Variants in ME2 observed in about 807,000 individuals in gnomAD.
ME2 encodes malic enzyme 2.
ME2 carries 60 observed loss-of-function variants against 73.7 expected under a neutral mutation model. That is an observed-to-expected ratio of 0.81 (90% CI 0.66 to 1.01). The LOEUF (loss-of-function observed/expected upper bound fraction) is 1.01, where lower values mean the gene tolerates loss of function less well. Ranked by LOEUF, ME2 falls within the 50% of genes least tolerant of loss-of-function variation. The probability of loss-of-function intolerance (pLI) is 0.00; values close to 1 mark genes in which losing one functional copy is unlikely to be tolerated. For synonymous variants in ME2, 199 were observed against 236.9 expected (o/e 0.84, Z 1.47); for missense variants, 594 against 705.5 (o/e 0.84, Z 1.79).
At chr18:50,938,297 C>T (rs1161409748) in intron 13 of ME2, among the ~76,000 whole-genome samples, 1 of 152,152 alleles carries the variant, frequency 6.6e-6, no homozygotes, top group African/African-American at 2.4e-5. Context: ...GTACTCCAGC[C>T]TGAGTGACAG....
At chr18:50,931,603 A>G (rs660363) in intron 12 of ME2, among the ~76,000 whole-genome samples, 103,833 of 151,974 alleles carry the variant, frequency 0.68, 35,886 homozygotes, top group African/African-American at 0.79. Context: ...TTCATTCATC[A>G]GTGTTTATAT....
At position 50,925,870 on chromosome 18, in the gene ME2, C is replaced by T. The variant is rs140281750; in HGVS notation, c.1286C>T (p.Thr429Met). 6.5e-4 allele frequency: 1,045 copies of T among 1,609,064 alleles called. 2 individuals carry two copies. The highest frequency in any genetic ancestry group is 1.7e-3 in the Admixed American group (101 of 59,990). ...AATCCTACAGCACAGGCAGAGTGCA[C>T]GGCTGAAGAAGCATATACACTTACA... ...LSNPTAQAEC[T>M]AEEAYTLTEG... is the part of the protein sequence containing the mutation. The change falls in exon 12 of 16, where the codon ACG becomes ATG. Residue 429 changes from threonine (T) to methionine (M), a missense_variant. Coordinates refer to ENST00000321341, the MANE Select transcript of ME2 (RefSeq NM_002396.5).
At chr18:50,895,961 C>G in intron 2 of ME2, 33 bp downstream of exon 2, 3 of 1,403,332 alleles carry the variant, frequency 2.1e-6, no homozygotes, top group East Asian at 2.3e-5. Context: ...TACATTTTCT[C>G]TCTTCTTATT....
rs997027331 is a variant in ME2, at chr18:50,946,952, T to C, written c.1588-65T>C. 7.0e-6 allele frequency: 8 copies of C among 1,143,602 alleles called. No individual in the cohort carries two copies. In the South Asian group the frequency reaches 9.6e-5, roughly 14 times the overall value. 70.8% of individuals were successfully genotyped at this position (1,143,602 alleles called of 1,614,324 possible). ...CTAAACTTATTTTCCTGTGTTATAA[T>C]AGTACGTTGTCTCTCTAATAGGTTA... On this transcript the variant is annotated intron_variant, in intron 15 of 15. Coordinates refer to ENST00000321341, the MANE Select transcript of ME2 (RefSeq NM_002396.5).
chr18:50,946,543 G>A (rs1026306914), intron 15 of ME2, among the ~76,000 whole-genome samples: 1 of 152,212 alleles, frequency 6.6e-6, no homozygotes, highest in African/African-American at 2.4e-5. Context: ...AGTGGTGTCA[G>A]TTCCCCTGTA....
rs36058911 is a variant in ME2 at position 50,951,547 on chromosome 18, CT to C, written c.*4380del. On this transcript the variant is annotated 3_prime_UTR_variant, in exon 16 of 16. Transcript: ENST00000321341. Reference sequence around the variant, plus strand: ...TCTCTTCTTTGACGTGTTACGTTGTCTTTTTTTTTTTTTTTTTAACTTCTTC... The same window carrying C: ...TCTCTTCTTTGACGTGTTACGTTGTCTTTTTTTTTTTTTTTTAACTTCTTC... 70,201 of 135,972 alleles carry C rather than the reference CT, an allele frequency of 0.52. 18,523 individuals carry two copies. The highest frequency in any genetic ancestry group is 0.68 in the South Asian group (2,900 of 4,238). 8.4% of individuals were successfully genotyped at this position (135,972 alleles called of 1,614,324 possible). A position where few individuals can be genotyped will look rare whatever the true frequency, so the allele number is the denominator to read the frequency against.
chr18:50,887,904 T>TA (rs759461066), intron 1 of ME2, among the ~76,000 whole-genome samples: 12 of 152,164 alleles, frequency 7.9e-5, no homozygotes, highest in Non-Finnish European at 1.6e-4. Flanking sequence ...AGCCAGAATT[T>TA]AAAGTTATGA....
At chr18:50,887,265 C>T (rs1916495068) in intron 1 of ME2, among the ~76,000 whole-genome samples, 1 of 152,102 alleles carries the variant, frequency 6.6e-6, no homozygotes, top group Non-Finnish European at 1.5e-5. Context: ...AAAATTGAAA[C>T]AACACAGAGC....
intron 15 of ME2, among the ~76,000 whole-genome samples, chr18:50,944,947 G>A (rs548542252): frequency 2.7e-4 from 41 of 152,180 alleles, no homozygotes; most frequent in African/African-American, 9.2e-4. Flanking sequence ...CTCCAAGGTC[G>A]GAAGGAATGA....
At position 50,952,485 on chromosome 18, in the gene ME2, A is replaced by G. The variant is rs1918245622; in HGVS notation, c.*5301A>G. The G allele has an allele frequency of 6.6e-6, 1 of 152,240 alleles. No individual in the cohort carries two copies. The highest frequency in any genetic ancestry group is 2.1e-4 in the South Asian group (1 of 4,834). 9.4% of individuals were successfully genotyped at this position (152,240 alleles called of 1,614,324 possible). A position where few individuals can be genotyped will look rare whatever the true frequency, so the allele number is the denominator to read the frequency against. On this transcript the variant is annotated 3_prime_UTR_variant, in exon 16 of 16. Coordinates refer to ENST00000321341, the MANE Select transcript of ME2 (RefSeq NM_002396.5). ...TATGTTCATAGTTCAGTTGCATAAA[A>G]TAGACACATTAAGTCAAGTGATTTG...
chr18:50,913,078 A>G, intron 4 of ME2, 128 bp downstream of exon 4: 1 of 777,888 alleles, frequency 1.3e-6, no homozygotes, highest in Non-Finnish European at 1.9e-6. Flanking sequence ...GAAAAACGTA[A>G]TTTTGATTAA....
intron 15 of ME2, among the ~76,000 whole-genome samples, chr18:50,941,558 A>G (rs976667665): frequency 1.3e-5 from 2 of 150,810 alleles, no homozygotes; most frequent in Admixed American, 1.3e-4. Context: ...TATTTTTAGT[A>G]GAGACGGGGT....
chr18:50,912,766 C>G, intron 3 of ME2, 35 bp from the exon 4 acceptor site: 1 of 1,446,054 alleles, frequency 6.9e-7, no homozygotes. Flanking sequence ...GTAATGCAGG[C>G]TGACTTAGAC....
chr18:50,904,292 T>C (rs555058489), intron 2 of ME2, among the ~76,000 whole-genome samples: 1 of 151,694 alleles, frequency 6.6e-6, no homozygotes, highest in East Asian at 1.9e-4. Context: ...TTTTTTTTTT[T>C]TTCTGGGACA....
intron 2 of ME2, 86 bp downstream of exon 2, chr18:50,896,014 TG>T (rs1396197314): frequency 2.2e-6 from 2 of 906,310 alleles, no homozygotes; most frequent in Non-Finnish European, 3.5e-6. Context: ...GACATATTTT[TG>T]TAGCTTTATG....
rs370990412 is a variant in ME2 at position 50,919,061 on chromosome 18, T to TCTCCTGTG, written c.734+849_734+850insTCCTGTGC. The stretch of plus-strand genomic sequence containing the variant: ...TTGACTCTTCTGCCTTCTCCGTCAG[T>TCTCCTGTG]CAGATTTCAGATATTCCTCAAATTC... On this transcript the variant is annotated intron_variant, in intron 7 of 15. Coordinates refer to ENST00000321341, the MANE Select transcript of ME2 (RefSeq NM_002396.5). Among the ~76,000 whole-genome samples, 5 of 151,910 alleles carry TCTCCTGTG rather than the reference T, an allele frequency of 3.3e-5. No homozygotes were observed. In the South Asian group the frequency reaches 6.2e-4, roughly 19 times the overall value.
intron 5 of ME2, 147 bp downstream of exon 5, chr18:50,916,390 G>C: frequency 1.7e-6 from 1 of 574,226 alleles, no homozygotes; most frequent in Non-Finnish European, 3.0e-6. Context: ...CTGAAGTGAT[G>C]ATAATAGTAG....
At chr18:50,908,677 G>C (rs1257915469) in intron 3 of ME2, among the ~76,000 whole-genome samples, 1 of 152,162 alleles carries the variant, frequency 6.6e-6, no homozygotes, top group African/African-American at 2.4e-5. Flanking sequence ...GTCTCGCTCT[G>C]TTGCCCAGGC....
At chr18:50,927,183 A>G (rs1463468550) in intron 12 of ME2, among the ~76,000 whole-genome samples, 1 of 152,140 alleles carries the variant, frequency 6.6e-6, no homozygotes, top group Non-Finnish European at 1.5e-5. Flanking sequence ...AATCTCCACA[A>G]TTACTTTCTA....
Sources: allele counts gnomAD v4.1 joint callset (sites outside exome capture counted in the v4.1 genomes callset), GRCh38; gene constraint gnomAD v4.1.1; transcripts MANE v1.5; gene names NCBI Gene and HGNC (gene_info 2026-07-23, HGNC 2026-07-21).